The following SCHIP1 variants were observed in gnomAD, a reference collection of about 807,000 sequenced individuals.
SCHIP1 encodes schwannomin interacting protein 1, also known as schwannomin-interacting protein 1.
Under a neutral mutation model 29.7 loss-of-function variants are expected in SCHIP1, and 8 were observed. The observed-to-expected ratio is 0.27, with a 90% CI of 0.16 to 0.49. The LOEUF (loss-of-function observed/expected upper bound fraction) is 0.49, where lower values mean the gene tolerates loss of function less well. SCHIP1 is among the 20% of genes least tolerant of loss of function. The pLI, the probability that SCHIP1 is intolerant of heterozygous loss-of-function variation, is 0.99. For missense variants in SCHIP1, 193 were observed against 294.6 expected, an observed-to-expected ratio of 0.66 and a Z score of 2.52; for synonymous variants, 76 against 94.9, an observed-to-expected ratio of 0.80 and a Z score of 1.16.
chr3:159,876,024 C>A (rs1333020273), intron 2 of SCHIP1, among the ~76,000 whole-genome samples: 1 of 152,136 alleles, frequency 6.6e-6, no homozygotes, highest in Non-Finnish European at 1.5e-5. Flanking sequence ...AAACAAGATC[C>A]AATGGCTATA....
the SCHIP1 span, among the ~76,000 whole-genome samples, chr3:159,337,135 A>G: frequency 6.6e-6 from 1 of 152,172 alleles, no homozygotes. Flanking sequence ...GGCCTTTGAC[A>G]AAATTCAACA....
At chr3:159,394,936 G>C in the SCHIP1 span, among the ~76,000 whole-genome samples, 2 of 151,924 alleles carry the variant, frequency 1.3e-5, no homozygotes, top group African/African-American at 4.8e-5. Context: ...CTGTGAATCC[G>C]TCTGGGCCTG....
At chr3:159,410,659 CT>C in the SCHIP1 span, among the ~76,000 whole-genome samples, 3 of 152,044 alleles carry the variant, frequency 2.0e-5, no homozygotes, top group Non-Finnish European at 4.4e-5. Flanking sequence ...AAAAAGAATC[CT>C]TGTACACTGT....
chr3:159,518,600 G>A, the SCHIP1 span, among the ~76,000 whole-genome samples: 2 of 152,002 alleles, frequency 1.3e-5, no homozygotes, highest in East Asian at 3.9e-4. Context: ...TGTGTGCTGT[G>A]TTTTTCTACT....
the SCHIP1 span, among the ~76,000 whole-genome samples, chr3:159,382,513 G>A: frequency 1.3e-4 from 20 of 152,080 alleles, no homozygotes; most frequent in Non-Finnish European, 2.9e-4. Context: ...ATCATTGTTG[G>A]ATATTTGGGT....
At chr3:159,393,101 T>C in the SCHIP1 span, among the ~76,000 whole-genome samples, 1 of 152,266 alleles carries the variant, frequency 6.6e-6, no homozygotes, top group Non-Finnish European at 1.5e-5. Flanking sequence ...TTTGGCTGCA[T>C]AAATGTCTTC....
chr3:159,642,322 C>T, the SCHIP1 span, among the ~76,000 whole-genome samples: 4 of 151,872 alleles, frequency 2.6e-5, no homozygotes, highest in Non-Finnish European at 5.9e-5. Context: ...TTATCCAGTC[C>T]AAATCCCCTA....
the SCHIP1 span, among the ~76,000 whole-genome samples, chr3:159,830,588 A>T: frequency 6.6e-6 from 1 of 152,216 alleles, no homozygotes; most frequent in African/African-American, 2.4e-5. Context: ...AAGGCTAAAA[A>T]ATTATAACCT....
the SCHIP1 span, among the ~76,000 whole-genome samples, chr3:159,684,029 A>G: frequency 6.6e-6 from 1 of 152,162 alleles, no homozygotes; most frequent in Non-Finnish European, 1.5e-5. Flanking sequence ...TCCCAGGGCT[A>G]TGAAACTCTT....
At chr3:159,873,182 C>T (rs1297705180) in intron 2 of SCHIP1, among the ~76,000 whole-genome samples, 5 of 152,156 alleles carry the variant, frequency 3.3e-5, no homozygotes, top group Admixed American at 3.3e-4. Context: ...CTCTGAAGAG[C>T]TCAATGCCCA....
At chr3:159,571,595 G>A in the SCHIP1 span, among the ~76,000 whole-genome samples, 1 of 151,626 alleles carries the variant, frequency 6.6e-6, no homozygotes, top group Non-Finnish European at 1.5e-5. Flanking sequence ...ATTCTTTTTT[G>A]TTGTGTCTCT....
At chr3:159,599,816 G>A in the SCHIP1 span, among the ~76,000 whole-genome samples, 2 of 152,136 alleles carry the variant, frequency 1.3e-5, no homozygotes, top group Non-Finnish European at 2.9e-5. Flanking sequence ...TCATCAGCGA[G>A]TTTTATGCTT....
At chr3:159,469,998 T>A in the SCHIP1 span, among the ~76,000 whole-genome samples, 2 of 152,078 alleles carry the variant, frequency 1.3e-5, no homozygotes, top group Non-Finnish European at 2.9e-5. Context: ...TTCAATGCAA[T>A]GAAACATTTA....
the SCHIP1 span, among the ~76,000 whole-genome samples, chr3:159,435,541 A>G: frequency 6.6e-6 from 1 of 152,108 alleles, no homozygotes; most frequent in Non-Finnish European, 1.5e-5. Flanking sequence ...GGTTTCTGGG[A>G]TCTTCAAAAT....
the SCHIP1 span, among the ~76,000 whole-genome samples, chr3:159,688,295 A>G: frequency 6.6e-6 from 1 of 152,206 alleles, no homozygotes; most frequent in Non-Finnish European, 1.5e-5. Context: ...TCGCCATTCT[A>G]ACAGGCGTGA....
the SCHIP1 span, among the ~76,000 whole-genome samples, chr3:159,363,125 G>T: frequency 6.6e-6 from 1 of 152,182 alleles, no homozygotes; most frequent in Non-Finnish European, 1.5e-5. Flanking sequence ...AGTATGTATA[G>T]TTGGAGATGA....
At chr3:159,606,318 A>G in the SCHIP1 span, among the ~76,000 whole-genome samples, 3 of 152,184 alleles carry the variant, frequency 2.0e-5, no homozygotes, top group African/African-American at 7.2e-5. Flanking sequence ...GGAGATGTAT[A>G]ATAAAAAAAA....
chr3:159,800,442 G>A, the SCHIP1 span, among the ~76,000 whole-genome samples: 4 of 152,244 alleles, frequency 2.6e-5, no homozygotes, highest in East Asian at 3.9e-4. Flanking sequence ...AGCCAGGGTC[G>A]GAAACTCAGA....
the SCHIP1 span, among the ~76,000 whole-genome samples, chr3:159,306,087 C>G: frequency 2.1e-4 from 30 of 142,980 alleles, no homozygotes; most frequent in African/African-American, 7.5e-4. Flanking sequence ...CAGAAAGAAA[C>G]CTTGCTGACC....
Sources: allele counts gnomAD v4.1 joint callset (sites outside exome capture counted in the v4.1 genomes callset), GRCh38; gene constraint gnomAD v4.1.1; transcripts MANE v1.5; gene names NCBI Gene and HGNC (gene_info 2026-07-23, HGNC 2026-07-21).